The following GSPT1 variants were observed in gnomAD, a reference collection of about 807,000 sequenced individuals.
GSPT1 encodes G1 to S phase transition 1, also known as eukaryotic peptide chain release factor GTP-binding subunit ERF3A.
GSPT1 carries 20 observed loss-of-function variants against 72.5 expected under a neutral mutation model. The observed-to-expected ratio is 0.28, with a 90% CI of 0.19 to 0.40. The LOEUF (loss-of-function observed/expected upper bound fraction) is 0.40, where lower values mean the gene tolerates loss of function less well. Among genes scored for constraint, GSPT1 ranks in the 10% least tolerant of loss-of-function variants. GSPT1 has a pLI of 1.00. For synonymous variants in GSPT1, 334 were observed against 293.5 expected, an observed-to-expected ratio of 1.14 and a Z score of -1.41; for missense variants, 580 against 811.9, an observed-to-expected ratio of 0.71 and a Z score of 3.47.
At chr16:11,909,989 T>TC (rs1165214049) in intron 1 of GSPT1, among the ~76,000 whole-genome samples, 3 of 152,004 alleles carry the variant, frequency 2.0e-5, no homozygotes, top group Non-Finnish European at 4.4e-5. Context: ...TCCTAGCTAC[T>TC]CAGGAAGCTG....
At chr16:11,887,930 C>T (rs1312600093) in intron 6 of GSPT1, among the ~76,000 whole-genome samples, 180 bp from the exon 7 acceptor site, 1 of 152,138 alleles carries the variant, frequency 6.6e-6, no homozygotes, top group Non-Finnish European at 1.5e-5. Flanking sequence ...TTTGGGAGGC[C>T]AAGGCGGCGG....
intron 1 of GSPT1, among the ~76,000 whole-genome samples, chr16:11,904,424 G>C (rs531454762): frequency 1.4e-4 from 21 of 152,142 alleles, no homozygotes; most frequent in East Asian, 1.2e-3. Context: ...GGATGGTCTC[G>C]ATCTCCTGAC....
intron 1 of GSPT1, among the ~76,000 whole-genome samples, chr16:11,900,347 A>G (rs2054390713): frequency 6.6e-6 from 1 of 151,684 alleles, no homozygotes; most frequent in South Asian, 2.1e-4. Context: ...AAAAAAATTA[A>G]TAAAAATGAA....
chr16:11,874,610 T>G (rs952395110), intron 14 of GSPT1, among the ~76,000 whole-genome samples: 40 of 152,120 alleles, frequency 2.6e-4, no homozygotes, highest in African/African-American at 8.9e-4. Context: ...ATCATTTTGT[T>G]ATATTAATAA....
chr16:11,892,829 C>CACAAAAAA (rs2054284967), intron 5 of GSPT1, among the ~76,000 whole-genome samples: 1 of 31,224 alleles, frequency 3.2e-5, no homozygotes, highest in Admixed American at 5.6e-4. Context: ...GATTCTGTCT[C>CACAAAAAA]AAAAAAAAAA....
At chr16:11,902,404 C>CAAAAAAAA (rs775362322) in intron 1 of GSPT1, among the ~76,000 whole-genome samples, 1 of 61,570 alleles carries the variant, frequency 1.6e-5, no homozygotes, top group African/African-American at 6.7e-5. Context: ...GACTCTGTCT[C>CAAAAAAAA]AAAAAAAAAA....
chr16:11,875,826 C>G lies in GSPT1; in HGVS notation c.1796G>C (p.Gly599Ala), dbSNP rs1188084332. 6.2e-7 allele frequency: 1 copy of G among 1,613,782 alleles called. No homozygotes were observed. Residue 599 changes from glycine (G) to alanine (A), a missense_variant, in exon 14 of 15, where the codon GGA becomes GCA. Coordinates refer to ENST00000434724, the MANE Select transcript of GSPT1 (RefSeq NM_002094.4). ...QVCIARLRTA[G>A]TICLETFKDF... is the part of the protein sequence containing the mutation. ...TTTAAAGGTCTCAAGGCAGATGGTT[C>G]CTGCTGTCCTTAAGCGAGCAATGCA...
At chr16:11,896,882 T>C (rs1377039287) in intron 3 of GSPT1, 97 bp from the exon 4 acceptor site, 2 of 794,964 alleles carry the variant, frequency 2.5e-6, no homozygotes, top group East Asian at 2.7e-5. Context: ...AGTTTGCATA[T>C]GTAGTTCCAT....
chr16:11,881,310 A>G (rs751855895), intron 11 of GSPT1: 5 of 152,150 alleles, frequency 3.3e-5, no homozygotes, highest in Admixed American at 3.3e-4. Context: ...CTGCCTAGTG[A>G]TTAGTATCAA....
intron 10 of GSPT1, among the ~76,000 whole-genome samples, 194 bp downstream of exon 10, chr16:11,884,987 G>C (rs2054169656): frequency 6.6e-6 from 1 of 151,794 alleles, no homozygotes. Flanking sequence ...AGAATCACTT[G>C]AACCAAGGAG....
At chr16:11,908,946 T>A (rs1413127467) in intron 1 of GSPT1, 1 of 152,162 alleles carries the variant, frequency 6.6e-6, no homozygotes, top group Non-Finnish European at 1.5e-5. Flanking sequence ...GGAGACTCCA[T>A]GTCAAAAATA....
Position 11,915,729 on chromosome 16 carries a change from G to T in GSPT1, c.-9C>A, listed in dbSNP as rs1293065653. On this transcript the variant is annotated 5_prime_UTR_variant, in exon 1 of 15. Transcript: ENST00000434724. The stretch of plus-strand genomic sequence containing the variant: ...CCACTGCCCGGATCCATGATCGGGG[G>T]GGCCGTGTGTGTGGTGGACAGAGAG... 5 of 1,523,336 alleles carry T rather than the reference G, an allele frequency of 3.3e-6. No individual in the cohort carries two copies. In the African/African-American group the frequency reaches 4.3e-5, roughly 13 times the overall value. 94.4% of individuals were successfully genotyped at this position (1,523,336 alleles called of 1,614,324 possible).
intron 1 of GSPT1, chr16:11,915,032 G>C: frequency 7.7e-7 from 1 of 1,290,552 alleles, no homozygotes; most frequent in Non-Finnish European, 1.0e-6. Flanking sequence ...TGCGCCTCGT[G>C]GCAGGGATCC....
intron 11 of GSPT1, among the ~76,000 whole-genome samples, chr16:11,878,135 G>C (rs911706156): frequency 1.3e-5 from 2 of 152,238 alleles, no homozygotes; most frequent in Non-Finnish European, 2.9e-5. Flanking sequence ...TTTATTTTGA[G>C]ACAGAGTTTT....
intron 10 of GSPT1, among the ~76,000 whole-genome samples, chr16:11,884,394 T>G (rs1196155488): frequency 1.3e-5 from 2 of 152,234 alleles, no homozygotes; most frequent in African/African-American, 2.4e-5. Context: ...CTAAACTTGT[T>G]GAATAAATTA....
At chr16:11,899,591 G>C (rs149894559) in intron 1 of GSPT1, among the ~76,000 whole-genome samples, 2 of 152,144 alleles carry the variant, frequency 1.3e-5, no homozygotes, top group African/African-American at 2.4e-5. Flanking sequence ...TAACAAACAG[G>C]GGGGAAACGC....
At position 11,877,523 on chromosome 16, in the gene GSPT1, G is replaced by C; in HGVS notation, c.1486C>G (p.Pro496Ala). 1 of 1,611,030 alleles carries C rather than the reference G, an allele frequency of 6.2e-7. No individual in the cohort carries two copies. Among genetic ancestry groups the C allele is most frequent in the Non-Finnish European group, 8.5e-7 (1 of 1,177,670 alleles). The change falls in exon 12 of 15, where the codon CCA becomes GCA. Residue 496 changes from proline to alanine, a missense_variant. Coordinates refer to ENST00000434724, the MANE Select transcript of GSPT1 (RefSeq NM_002094.4). The surrounding 1 kb of genome is among the most constrained non-coding windows in gnomAD (Gnocchi z 4.0). The part of the protein sequence containing the change: ...SDDVETDTVA[P>A]GENLKIRLKG... ...AGTCTGATTTTGAGGTTTTCACCTG[G>C]GGCTACGGTATCAGTCTCTACATCA...
At position 11,894,838 on chromosome 16, in the gene GSPT1, A is replaced by G. The variant is rs1473731843; in HGVS notation, c.698+116T>C. The G allele has an allele frequency of 7.8e-6, 5 of 642,778 alleles. No individual in the cohort carries two copies. The East Asian group carries it at 1.5e-4, about 19-fold the overall frequency. The allele number at this position is 642,778 out of a possible 1,614,324, so 39.8% of individuals were successfully genotyped here. ...ATTGTGTCCCAGTAATTTTATTTTT[A>G]ATTTTTCTTTGGGGGACCTGTTTTA... is the stretch of plus-strand genomic sequence containing the variant. On this transcript the variant is annotated intron_variant, in intron 5 of 14. Transcript: ENST00000434724.
Position 11,897,895 on chromosome 16 carries a change from T to G in GSPT1, c.395-14A>C. The G allele has an allele frequency of 2.6e-6, 4 of 1,511,630 alleles. No homozygotes were observed. The highest frequency in any genetic ancestry group is 3.6e-6 in the Non-Finnish European group (4 of 1,106,990). 93.6% of individuals were successfully genotyped at this position (1,511,630 alleles called of 1,614,324 possible). A position where few individuals can be genotyped will look rare whatever the true frequency, so the allele number is the denominator to read the frequency against. ...CTGAATTTGAACCTAGACAAGAGAT[T>G]GAAATATAATATATATTTACCAAAC... On this transcript the variant is annotated splice_polypyrimidine_tract_variant and intron_variant, in intron 2 of 14. Coordinates refer to ENST00000434724, the MANE Select transcript of GSPT1 (RefSeq NM_002094.4).
Sources: gnomAD v4.1 joint callset for allele counts (sites outside exome capture counted in the v4.1 genomes callset) on GRCh38, gnomAD v4.1.1 for gene constraint, Gnocchi (gnomAD v3.1) non-coding constraint, MANE v1.5 for transcripts, NCBI Gene and HGNC (gene_info 2026-07-23, HGNC 2026-07-21) for gene names.